The following LRRC4C variants were observed in gnomAD, a reference collection of about 807,000 sequenced individuals.
LRRC4C encodes the protein leucine rich repeat containing 4C, also known as leucine-rich repeat-containing protein 4C.
Under a neutral mutation model 33.6 loss-of-function variants are expected in LRRC4C, and 5 were observed. The ratio of observed to expected loss-of-function variants is 0.15; its 90% confidence interval spans 0.08 to 0.31. The LOEUF is 0.31. Among genes scored for constraint, LRRC4C ranks in the 10% least tolerant of loss-of-function variants. The pLI is 1.00. For missense variants in LRRC4C, 560 were observed against 796.7 expected (o/e 0.70, Z 3.58); for synonymous variants, 329 against 302.0 (o/e 1.09, Z -0.93).
At chr11:40,249,994 A>G (rs779640783) in intron 4 of LRRC4C, among the ~76,000 whole-genome samples, 2 of 151,312 alleles carry the variant, frequency 1.3e-5, no homozygotes, top group Non-Finnish European at 3.0e-5. Flanking sequence ...AGACTGTCGC[A>G]TTGCATGTTT....
chr11:40,701,417 G>C (rs1320326227), intron 2 of LRRC4C, among the ~76,000 whole-genome samples: 2 of 151,698 alleles, frequency 1.3e-5, no homozygotes, highest in Non-Finnish European at 2.9e-5. Context: ...ATGTAATAAA[G>C]CGTATTTGCA....
intron 2 of LRRC4C, among the ~76,000 whole-genome samples, chr11:40,745,966 A>C (rs1290584841): frequency 6.6e-6 from 1 of 152,218 alleles, no homozygotes; most frequent in Non-Finnish European, 1.5e-5. Context: ...CTCCACTAAG[A>C]AGAAACAAAC....
intron 3 of LRRC4C, among the ~76,000 whole-genome samples, chr11:40,515,393 A>C (rs1955521546): frequency 6.6e-6 from 1 of 152,132 alleles, no homozygotes; most frequent in Non-Finnish European, 1.5e-5. Flanking sequence ...TTAAGTGCAC[A>C]GTCAGGAAAG....
chr11:40,423,339 C>CTTTTTTTTT (rs35819704), intron 3 of LRRC4C, among the ~76,000 whole-genome samples: 12 of 90,960 alleles, frequency 1.3e-4, no homozygotes, highest in South Asian at 4.2e-4. Flanking sequence ...TGTTCATGTT[C>CTTTTTTTTT]TTTTTTTTTT....
At chr11:40,656,745 A>T (rs551506383) in intron 2 of LRRC4C, among the ~76,000 whole-genome samples, 2 of 152,172 alleles carry the variant, frequency 1.3e-5, no homozygotes, top group South Asian at 4.1e-4. Context: ...TAAAAGTGTT[A>T]TATCCCTCTA....
intron 1 of LRRC4C, among the ~76,000 whole-genome samples, chr11:41,291,360 C>G (rs1447122): frequency 0.18 from 27,728 of 152,004 alleles, 3,102 homozygotes; most frequent in East Asian, 0.43. Flanking sequence ...TATGCCCTTA[C>G]ATATTCTACT....
intron 1 of LRRC4C, among the ~76,000 whole-genome samples, chr11:41,068,647 A>G (rs1186474680): frequency 6.6e-6 from 1 of 152,056 alleles, no homozygotes; most frequent in Non-Finnish European, 1.5e-5. Context: ...AGACACATAC[A>G]CCCTCGCATA....
intron 1 of LRRC4C, among the ~76,000 whole-genome samples, chr11:41,181,871 G>A (rs1419034484): frequency 6.6e-6 from 1 of 152,058 alleles, no homozygotes; most frequent in African/African-American, 2.4e-5. Context: ...AGCTCATTTA[G>A]TATATGCTAA....
chr11:41,048,925 A>T (rs906101199), intron 1 of LRRC4C, among the ~76,000 whole-genome samples: 4 of 152,174 alleles, frequency 2.6e-5, no homozygotes, highest in African/African-American at 4.8e-5. Context: ...TGGATCGTAA[A>T]TTTTAAAAAG....
intron 2 of LRRC4C, among the ~76,000 whole-genome samples, chr11:40,669,137 A>G (rs972318966): frequency 2.0e-5 from 3 of 152,324 alleles, no homozygotes; most frequent in African/African-American, 7.2e-5. Flanking sequence ...TTTGCTGAAA[A>G]TAATAAATGA....
intron 1 of LRRC4C, among the ~76,000 whole-genome samples, chr11:41,290,042 A>T (rs1949946930): frequency 2.0e-5 from 3 of 152,200 alleles, no homozygotes; most frequent in Non-Finnish European, 1.5e-5. Flanking sequence ...GTGTCTAGTG[A>T]TACACTGCTG....
intron 1 of LRRC4C, among the ~76,000 whole-genome samples, chr11:41,329,304 C>T (rs543679083): frequency 7.8e-4 from 119 of 152,308 alleles, no homozygotes; most frequent in African/African-American, 2.8e-3. Flanking sequence ...GCTAAGATCT[C>T]CCTCCTGAGC....
intron 1 of LRRC4C, among the ~76,000 whole-genome samples, chr11:41,085,668 T>C (rs1041715077): frequency 2.0e-5 from 3 of 152,082 alleles, no homozygotes; most frequent in Non-Finnish European, 2.9e-5. Context: ...TCTCAACGCC[T>C]GGAAATGTTT....
At chr11:40,372,439 C>G (rs1948490687) in intron 3 of LRRC4C, among the ~76,000 whole-genome samples, 2 of 152,160 alleles carry the variant, frequency 1.3e-5, no homozygotes, top group African/African-American at 2.4e-5. Context: ...GGAGACAGTT[C>G]CTTGCTTTTA....
chr11:40,832,144 C>A (rs1952443587), intron 2 of LRRC4C, among the ~76,000 whole-genome samples: 2 of 152,170 alleles, frequency 1.3e-5, no homozygotes, highest in East Asian at 1.9e-4. Context: ...AGGCTACAAA[C>A]CTGAGCAGCA....
intron 5 of LRRC4C, among the ~76,000 whole-genome samples, chr11:40,189,221 T>C (rs1384685653): frequency 6.6e-6 from 1 of 151,266 alleles, no homozygotes; most frequent in Non-Finnish European, 1.5e-5. Context: ...TTATTTCCCC[T>C]TTTAATAGAA....
intron 1 of LRRC4C, among the ~76,000 whole-genome samples, chr11:41,034,640 A>ATAT (rs1565321331): frequency 0.017 from 2,006 of 119,044 alleles, 17 homozygotes; most frequent in Non-Finnish European, 0.026. Context: ...TATATATATG[A>ATAT]GGTGAGAGTT....
chr11:41,003,822 G>A (rs1301822127), intron 1 of LRRC4C, among the ~76,000 whole-genome samples: 1 of 151,876 alleles, frequency 6.6e-6, no homozygotes, highest in East Asian at 1.9e-4. Flanking sequence ...AGGTCTGCCT[G>A]GCTCTGAGGG....
chr11:40,115,100 G>A lies in LRRC4C; in HGVS notation c.1193C>T (p.Ala398Val), dbSNP rs752236880. The A allele has an allele frequency of 2.6e-5, 42 of 1,614,000 alleles. No homozygotes were observed. The highest frequency in any genetic ancestry group is 1.3e-4 in the Admixed American group (8 of 60,000). Residue 398 changes from alanine to valine, a missense_variant, in exon 7 of 7, where the codon GCG becomes GTG. This residue lies in a region of LRRC4C where 455 missense variants were observed against 643.8 expected (regional missense o/e 0.71). Transcript: ENST00000528697. This position sits in a 1 kb window ranked among gnomAD's most constrained non-coding sequence, Gnocchi z 6.7. ...TPNGTVMTHG[A>V]YKVRIAVLSD... Reference sequence around the variant, plus strand: ...GAGCACAGCTATCCGCACTTTGTACGCCCCATGTGTCATGACTGTTCCATT... The same window carrying A: ...GAGCACAGCTATCCGCACTTTGTACACCCCATGTGTCATGACTGTTCCATT...
Sources: allele counts gnomAD v4.1 joint callset (sites outside exome capture counted in the v4.1 genomes callset), GRCh38; gene constraint gnomAD v4.1.1; regional missense constraint gnomAD v4.1.1; non-coding constraint Gnocchi (gnomAD v3.1); transcripts MANE v1.5; gene names NCBI Gene and HGNC (gene_info 2026-07-23, HGNC 2026-07-21).